Variants in NHLRC2 observed in about 807,000 individuals in gnomAD.
NHLRC2 encodes NHL repeat containing 2.
In NHLRC2, 33 loss-of-function variants were observed where a neutral mutation model predicts 68.1. The observed-to-expected ratio is 0.48, with a 90% CI of 0.37 to 0.65. The LOEUF (loss-of-function observed/expected upper bound fraction) is 0.65, where lower values mean the gene tolerates loss of function less well. Among genes scored for constraint, NHLRC2 ranks in the 30% least tolerant of loss-of-function variants. NHLRC2 has a pLI of 0.00. For synonymous variants in NHLRC2, 311 were observed against 309.6 expected, an observed-to-expected ratio of 1.00 and a Z score of -0.05; for missense variants, 761 against 853.8, an observed-to-expected ratio of 0.89 and a Z score of 1.35.
intron 5 of NHLRC2, among the ~76,000 whole-genome samples, chr10:113,885,703 T>G (rs1246815760): frequency 6.6e-6 from 1 of 152,026 alleles, no homozygotes. Context: ...TTTTGAGTGA[T>G]AAAAGAAAGT....
At chr10:113,856,703 T>C (rs893849196) in intron 1 of NHLRC2, among the ~76,000 whole-genome samples, 2 of 152,098 alleles carry the variant, frequency 1.3e-5, no homozygotes, top group Non-Finnish European at 2.9e-5. Flanking sequence ...AAAAAACATA[T>C]AATAAAATAT....
intron 5 of NHLRC2, among the ~76,000 whole-genome samples, chr10:113,892,868 A>G (rs935838486): frequency 6.6e-5 from 10 of 152,172 alleles, no homozygotes. Flanking sequence ...TGATACAAAT[A>G]GTGCCTACCT....
At chr10:113,877,118 T>A in intron 3 of NHLRC2, 142 bp downstream of exon 3, 2 of 520,378 alleles carry the variant, frequency 3.8e-6, no homozygotes, top group Non-Finnish European at 6.5e-6. Context: ...AATAAAAATT[T>A]TTTGTTAATT....
intron 1 of NHLRC2, among the ~76,000 whole-genome samples, chr10:113,857,667 G>A (rs1372339557): frequency 6.6e-6 from 1 of 152,116 alleles, no homozygotes; most frequent in Non-Finnish European, 1.5e-5. Context: ...AAATAGGGAT[G>A]CTGTACTTTA....
rs1169108158 is a variant in NHLRC2 at position 113,871,015 on chromosome 10, C to CTT, written c.332-5481_332-5480dup. On this transcript the variant is annotated intron_variant, in intron 2 of 10. Coordinates refer to ENST00000369301, the MANE Select transcript of NHLRC2 (RefSeq NM_198514.4). ...TGTTAATTATTCTTGCTTCCTGCAT[C>CTT]TTTTTTTTTTTTTTTTTTTTTTTTT... Among the ~76,000 whole-genome samples the CTT allele has an allele frequency of 2.4e-3, 158 of 65,752 alleles. 10 individuals are homozygous for CTT. The highest frequency in any genetic ancestry group is 9.0e-3 in the African/African-American group (135 of 14,998). 43.1% of individuals were successfully genotyped at this position (65,752 alleles called of 152,430 possible).
At chr10:113,867,271 T>C (rs546606723) in intron 2 of NHLRC2, among the ~76,000 whole-genome samples, 1 of 152,342 alleles carries the variant, frequency 6.6e-6, no homozygotes, top group Admixed American at 6.5e-5. Context: ...AGGGCTACTA[T>C]GTTAACTCTT....
chr10:113,854,910 G>T lies in NHLRC2; in HGVS notation c.38G>T (p.Gly13Val), dbSNP rs903628188. ...APGGRGRSLS[G>V]LLPAQTSLEY... ...GGAGGCCGGGGCCGCAGCCTCTCCGGCCTGCTCCCCGCGCAGACCTCGCTA... is the reference window on the plus strand; with the variant it reads ...GGAGGCCGGGGCCGCAGCCTCTCCGTCCTGCTCCCCGCGCAGACCTCGCTA... The change falls in exon 1 of 11, where the codon GGC becomes GTC. Residue 13 changes from glycine to valine, a missense_variant. By Grantham distance (109) the Gly-to-Val change is moderately radical. Coordinates refer to ENST00000369301, the MANE Select transcript of NHLRC2 (RefSeq NM_198514.4). 2 of 1,552,482 alleles carry T rather than the reference G, an allele frequency of 1.3e-6. No individual in the cohort carries two copies. Among genetic ancestry groups the T allele is most frequent in the African/African-American group, 2.7e-5 (2 of 73,128 alleles).
At chr10:113,873,777 T>C (rs1313500829) in intron 2 of NHLRC2, among the ~76,000 whole-genome samples, 1 of 152,146 alleles carries the variant, frequency 6.6e-6, no homozygotes, top group Non-Finnish European at 1.5e-5. Context: ...AAGCTTTAGT[T>C]TAGATGATGA....
intron 2 of NHLRC2, among the ~76,000 whole-genome samples, chr10:113,874,146 T>C (rs1321458430): frequency 1.3e-5 from 2 of 152,228 alleles, no homozygotes; most frequent in Non-Finnish European, 2.9e-5. Context: ...TTTATTAATC[T>C]TTGTACTTAC....
At position 113,854,686 on chromosome 10, in the gene NHLRC2, C is replaced by A. The variant is rs955442999; in HGVS notation, c.-187C>A. On this transcript the variant is annotated 5_prime_UTR_variant, in exon 1 of 11. Transcript: ENST00000369301. ...AGTTTAATTACGTCCCCGGGAACTG[C>A]GCCGATTTGGACTTTTGGCACTTGG... 11 of 563,248 alleles carry A rather than the reference C, an allele frequency of 2.0e-5. No individual in the cohort carries two copies. Among genetic ancestry groups the A allele is most frequent in the Non-Finnish European group, 3.4e-5 (11 of 321,314 alleles). 34.9% of individuals were successfully genotyped at this position (563,248 alleles called of 1,614,324 possible). A position where few individuals can be genotyped will look rare whatever the true frequency, so the allele number is the denominator to read the frequency against.
chr10:113,867,329 T>C (rs1845877376), intron 2 of NHLRC2, among the ~76,000 whole-genome samples: 2 of 152,262 alleles, frequency 1.3e-5, no homozygotes. Flanking sequence ...GTCTATTTAT[T>C]CTATGTTCTT....
In NHLRC2 at chr10:113,891,976, AT is replaced by A. The variant is rs796688148; in HGVS notation, c.1040-6128del. ...GAACTCTGCTTGGTGTCAGTAGAGC[AT>A]TTTTTCATCTACCTTTTCCACAGCT... On this transcript the variant is annotated intron_variant, in intron 5 of 10. Transcript: ENST00000369301. 7.2e-5 allele frequency among the ~76,000 whole-genome samples: 11 copies of A among 152,106 alleles called. 1 individual carries two copies. The highest frequency in any genetic ancestry group is 2.7e-4 in the African/African-American group (11 of 41,500).
intron 4 of NHLRC2, 82 bp downstream of exon 4, chr10:113,879,777 A>C: frequency 2.1e-6 from 2 of 935,526 alleles, no homozygotes; most frequent in Non-Finnish European, 3.1e-6. Context: ...TTGAAGTTAA[A>C]GCGTGATTCT....
intron 2 of NHLRC2, among the ~76,000 whole-genome samples, chr10:113,864,158 C>T (rs1480048129): frequency 6.6e-6 from 1 of 152,166 alleles, no homozygotes; most frequent in African/African-American, 2.4e-5. Flanking sequence ...CATAATTTCA[C>T]TTACACAGGG....
At chr10:113,887,005 GAACTC>G (rs1366839747) in intron 5 of NHLRC2, among the ~76,000 whole-genome samples, 1 of 152,094 alleles carries the variant, frequency 6.6e-6, no homozygotes, top group Non-Finnish European at 1.5e-5. Context: ...AATATGTAAG[GAACTC>G]AACTCAATAT....
Position 113,908,439 on chromosome 10 carries a change from C to T in NHLRC2, c.2084C>T (p.Ala695Val). 1.2e-6 allele frequency: 2 copies of T among 1,613,768 alleles called. No individual in the cohort carries two copies. The highest frequency in any genetic ancestry group is 1.7e-6 in the Non-Finnish European group (2 of 1,179,718). The change falls in exon 11 of 11, where the codon GCT becomes GTT. Residue 695 changes from alanine to valine, a missense_variant. Physicochemically the swap from Ala to Val is moderately conservative, Grantham distance 64 (BLOSUM62 0). Coordinates refer to ENST00000369301, the MANE Select transcript of NHLRC2 (RefSeq NM_198514.4). ...TATTACTGTAGTGCAGACAGCAGTG[C>T]TTGTATGATGAAGGCAATTTTGTTC... ...FLYYCSADSS[A>V]CMMKAILFSQ...
chr10:113,887,419 A>G (rs1198558371), intron 5 of NHLRC2, among the ~76,000 whole-genome samples: 2 of 152,218 alleles, frequency 1.3e-5, no homozygotes, highest in African/African-American at 2.4e-5. Flanking sequence ...AGTATTCACA[A>G]TTGCTAAGAT....
chr10:113,887,608 A>G (rs1846093701), intron 5 of NHLRC2, among the ~76,000 whole-genome samples: 1 of 152,130 alleles, frequency 6.6e-6, no homozygotes, highest in Non-Finnish European at 1.5e-5. Context: ...CGTCTATACA[A>G]GAATACAAAA....
rs1315346043 is a variant in NHLRC2 at position 113,916,136 on chromosome 10, T to G, written c.*7600T>G. 6.6e-6 allele frequency: 1 copy of G among 152,242 alleles called. No individual in the cohort carries two copies. The highest frequency in any genetic ancestry group is 1.5e-5 in the Non-Finnish European group (1 of 68,034). The allele number at this position is 152,242 out of a possible 1,614,324, so 9.4% of individuals were successfully genotyped here. A position where few individuals can be genotyped will look rare whatever the true frequency, so the allele number is the denominator to read the frequency against. On this transcript the variant is annotated 3_prime_UTR_variant, in exon 11 of 11. Coordinates refer to ENST00000369301, the MANE Select transcript of NHLRC2 (RefSeq NM_198514.4). ...GTTCTTAGTGCCACTGGAAATATAT[T>G]CATTCTTTGAGCATGTACAGGGTGG...
Sources: gnomAD v4.1 joint callset for allele counts (sites outside exome capture counted in the v4.1 genomes callset) on GRCh38, gnomAD v4.1.1 for gene constraint, MANE v1.5 for transcripts, NCBI Gene and HGNC (gene_info 2026-07-23, HGNC 2026-07-21) for gene names.